NIBAN1: variants seen among roughly 807,000 people sequenced by gnomAD.
The protein encoded by NIBAN1 is protein Niban 1.
NIBAN1 carries 81 observed loss-of-function variants against 75.1 expected under a neutral mutation model. The observed-to-expected ratio is 1.08, with a 90% CI of 0.90 to 1.30. The LOEUF is 1.30. Ranked by LOEUF, NIBAN1 falls within the 50% of genes most tolerant of loss-of-function variation. NIBAN1 has a pLI of 0.00. For missense variants in NIBAN1, 1,133 were observed against 1,128.1 expected, an observed-to-expected ratio of 1.00 and a Z score of -0.06; for synonymous variants, 436 against 424.8, an observed-to-expected ratio of 1.03 and a Z score of -0.32.
chr1:184,856,728 A>G (rs1000620764), intron 5 of NIBAN1, among the ~76,000 whole-genome samples: 1 of 152,228 alleles, frequency 6.6e-6, no homozygotes, highest in African/African-American at 2.4e-5. Context: ...TGAGTGGGAA[A>G]GAATAATAAA....
At chr1:184,974,137 G>A (rs1315683075) in intron 1 of NIBAN1, among the ~76,000 whole-genome samples, 165 bp downstream of exon 1, 1 of 152,062 alleles carries the variant, frequency 6.6e-6, no homozygotes, top group Non-Finnish European at 1.5e-5. Context: ...GCCGGAGCGC[G>A]CCGGCTGGGG....
chr1:184,921,001 C>T (rs1009902304), intron 1 of NIBAN1, among the ~76,000 whole-genome samples: 11 of 151,602 alleles, frequency 7.3e-5, no homozygotes, highest in African/African-American at 1.5e-4. Flanking sequence ...TGGTGGCAGG[C>T]GCCTGTAGTC....
intron 1 of NIBAN1, among the ~76,000 whole-genome samples, chr1:184,948,490 T>A (rs1658283443): frequency 6.6e-6 from 1 of 152,188 alleles, no homozygotes; most frequent in South Asian, 2.1e-4. Context: ...ACTGTAATTT[T>A]AAAAAATTAT....
At chr1:184,914,839 C>T (rs990648394) in intron 1 of NIBAN1, among the ~76,000 whole-genome samples, 5 of 151,934 alleles carry the variant, frequency 3.3e-5, no homozygotes, top group African/African-American at 1.2e-4. Context: ...TCTCCTGCCT[C>T]AGCCTCCTGA....
chr1:184,919,059 T>C (rs1020608068), intron 1 of NIBAN1, among the ~76,000 whole-genome samples: 2 of 152,260 alleles, frequency 1.3e-5, no homozygotes, highest in Non-Finnish European at 2.9e-5. Context: ...TTTTCTTACA[T>C]ACTGTGAGTT....
intron 5 of NIBAN1, among the ~76,000 whole-genome samples, chr1:184,844,756 C>A (rs1655390013): frequency 6.6e-6 from 1 of 152,170 alleles, no homozygotes; most frequent in African/African-American, 2.4e-5. Context: ...TTATTCGTAA[C>A]CTTTTTCCAA....
intron 5 of NIBAN1, among the ~76,000 whole-genome samples, chr1:184,874,467 G>A (rs1360592150): frequency 6.6e-6 from 1 of 151,582 alleles, no homozygotes; most frequent in Non-Finnish European, 1.5e-5. Flanking sequence ...AAACTTTAAG[G>A]CAAATAGCAT....
intron 5 of NIBAN1, among the ~76,000 whole-genome samples, chr1:184,870,396 T>C (rs1656074724): frequency 6.6e-6 from 1 of 152,232 alleles, no homozygotes; most frequent in African/African-American, 2.4e-5. Context: ...TTGTTTATTA[T>C]TGTTATGATT....
At chr1:184,923,668 T>C (rs75984020) in intron 1 of NIBAN1, among the ~76,000 whole-genome samples, 2,717 of 152,282 alleles carry the variant, frequency 0.018, 48 homozygotes, top group South Asian at 0.047. Flanking sequence ...GTGGTATGGA[T>C]ATTTTAACAA....
intron 5 of NIBAN1, among the ~76,000 whole-genome samples, chr1:184,881,717 T>C (rs1228063570): frequency 6.6e-6 from 1 of 152,214 alleles, no homozygotes; most frequent in East Asian, 1.9e-4. Context: ...CTCCCCTTTT[T>C]AGACCATGTA....
At chr1:184,803,803 A>T in intron 11 of NIBAN1, 111 bp from the exon 12 acceptor site, 1 of 835,060 alleles carries the variant, frequency 1.2e-6, no homozygotes, top group Non-Finnish European at 1.9e-6. Context: ...AATGTCTGAG[A>T]ACTCTTGTAT....
intron 2 of NIBAN1, among the ~76,000 whole-genome samples, chr1:184,897,929 G>C (rs1656842644): frequency 6.6e-6 from 1 of 152,052 alleles, no homozygotes; most frequent in Non-Finnish European, 1.5e-5. Context: ...ACAGTATCCT[G>C]CTCCCCAGTT....
At chr1:184,965,968 A>G (rs140440466) in intron 1 of NIBAN1, among the ~76,000 whole-genome samples, 7 of 152,354 alleles carry the variant, frequency 4.6e-5, no homozygotes, top group Non-Finnish European at 1.0e-4. Context: ...TCAACAGATA[A>G]TCTGCGAGTA....
At chr1:184,909,649 T>C (rs1657190205) in intron 1 of NIBAN1, among the ~76,000 whole-genome samples, 1 of 152,208 alleles carries the variant, frequency 6.6e-6, no homozygotes, top group African/African-American at 2.4e-5. Context: ...CTAGTGAAAA[T>C]TACTTTAGCA....
intron 1 of NIBAN1, among the ~76,000 whole-genome samples, chr1:184,936,239 TG>T (rs369858652): frequency 1.9e-4 from 29 of 152,202 alleles, no homozygotes; most frequent in African/African-American, 6.7e-4. Context: ...TGGAGGATCC[TG>T]AGGGAAAAAG....
At chr1:184,799,542 C>A (rs1268568824) in intron 12 of NIBAN1, among the ~76,000 whole-genome samples, 4 of 144,624 alleles carry the variant, frequency 2.8e-5, no homozygotes, top group Admixed American at 7.0e-5. Flanking sequence ...ATTTATAGTC[C>A]TTTGGGTATA....
intron 8 of NIBAN1, 135 bp from the exon 9 acceptor site, chr1:184,818,960 C>G (rs754351043): frequency 6.6e-5 from 60 of 913,390 alleles, no homozygotes; most frequent in Non-Finnish European, 8.6e-5. Flanking sequence ...CCATGACAGA[C>G]TAGCACAATG....
chr1:184,949,140 TCAGAAGA>T (rs1178794759), intron 1 of NIBAN1, among the ~76,000 whole-genome samples: 1 of 152,006 alleles, frequency 6.6e-6, no homozygotes, highest in African/African-American at 2.4e-5. Context: ...GATCATGAGG[TCAGAAGA>T]TAGAGACCAT....
At chr1:184,907,185 T>C (rs559103787) in intron 1 of NIBAN1, among the ~76,000 whole-genome samples, 1 of 150,226 alleles carries the variant, frequency 6.7e-6, no homozygotes, top group East Asian at 1.9e-4. Context: ...ATGTTTTATA[T>C]CCACATTTTA....
Sources: allele counts gnomAD v4.1 joint callset (sites outside exome capture counted in the v4.1 genomes callset), GRCh38; gene constraint gnomAD v4.1.1; transcripts MANE v1.5; gene names NCBI Gene and HGNC (gene_info 2026-07-23, HGNC 2026-07-21).